The following WWOX variants were observed in gnomAD, a reference collection of about 807,000 sequenced individuals.
WWOX encodes WW domain containing oxidoreductase, also known as WW domain-containing oxidoreductase.
In WWOX, 69 loss-of-function variants were observed where a neutral mutation model predicts 46.2. The observed-to-expected ratio is 1.49, with a 90% confidence interval of 1.23 to 1.82. WWOX has a LOEUF of 1.82. WWOX is among the 40% of genes most tolerant of loss of function. The pLI is 0.00. For synonymous variants in WWOX, 359 were observed against 202.6 expected, an observed-to-expected ratio of 1.77 and a Z score of -6.56; for missense variants, 919 against 542.6, an observed-to-expected ratio of 1.69 and a Z score of -6.89.
At chr16:78,721,434 A>G (rs1337586299) in intron 8 of WWOX, among the ~76,000 whole-genome samples, 2 of 152,202 alleles carry the variant, frequency 1.3e-5, no homozygotes, top group East Asian at 3.9e-4. Context: ...TCGGCTGGAG[A>G]GTATTCAGCT....
intron 8 of WWOX, among the ~76,000 whole-genome samples, chr16:78,766,672 C>G (rs1002779520): frequency 2.0e-5 from 3 of 152,208 alleles, no homozygotes; most frequent in Non-Finnish European, 4.4e-5. Context: ...TTCAGTTAAT[C>G]AAGTTTGTTA....
At chr16:78,829,778 T>C (rs899580359) in intron 8 of WWOX, among the ~76,000 whole-genome samples, 1 of 152,188 alleles carries the variant, frequency 6.6e-6, no homozygotes, top group Admixed American at 6.5e-5. Flanking sequence ...CCTACAGGAA[T>C]TGCAGATTGT....
At position 78,343,616 on chromosome 16, in the gene WWOX, G is replaced by T. The variant is rs1242244298; in HGVS notation, c.517-43244G>T. ...TAACTCTTTAAAGGGACAGGATATGGAAACGTGGCTTCATGGACAGTATTT... is the reference window on the plus strand; with the variant it reads ...TAACTCTTTAAAGGGACAGGATATGTAAACGTGGCTTCATGGACAGTATTT... On this transcript the variant is annotated intron_variant, in intron 5 of 8. Coordinates refer to ENST00000566780, the MANE Select transcript of WWOX (RefSeq NM_016373.4). Among the ~76,000 whole-genome samples the T allele has an allele frequency of 2.5e-5, 3 of 121,218 alleles. 1 individual carries two copies. Among genetic ancestry groups the T allele is most frequent in the South Asian group, 2.5e-4 (1 of 4,038 alleles). 79.5% of individuals were successfully genotyped at this position (121,218 alleles called of 152,430 possible). A position where few individuals can be genotyped will look rare whatever the true frequency, so the allele number is the denominator to read the frequency against.
chr16:78,935,226 C>T (rs148841085), intron 8 of WWOX, among the ~76,000 whole-genome samples: 4,173 of 152,228 alleles, frequency 0.027, 89 homozygotes, highest in Middle Eastern at 0.048. Context: ...ACTAGAAATA[C>T]CATTTGACCC....
chr16:78,679,130 A>T (rs1597434904), intron 8 of WWOX, among the ~76,000 whole-genome samples: 1 of 152,292 alleles, frequency 6.6e-6, no homozygotes, highest in African/African-American at 2.4e-5. Flanking sequence ...TCTTGGACCT[A>T]GGGATGGATT....
At chr16:78,647,314 G>T (rs116199179) in intron 8 of WWOX, among the ~76,000 whole-genome samples, 6 of 152,258 alleles carry the variant, frequency 3.9e-5, no homozygotes, top group South Asian at 2.1e-4. Context: ...CGGCCCAGGC[G>T]AGGATGAGGA....
At chr16:78,123,650 G>A (rs2033231310) in intron 4 of WWOX, 1 of 151,114 alleles carries the variant, frequency 6.6e-6, no homozygotes, top group African/African-American at 2.4e-5. Context: ...TAGAGATGGG[G>A]TTTCACCATC....
Position 79,211,847 on chromosome 16 carries a change from C to T in WWOX, c.*51C>T, listed in dbSNP as rs762405960. 6.2e-7 allele frequency: 1 copy of T among 1,609,898 alleles called. No homozygotes were observed. Among genetic ancestry groups the T allele is most frequent in the South Asian group, 1.1e-5 (1 of 90,650 alleles). ...CACACCCGCCCTGTGTGTGTCCCCT[C>T]ACGCAAGTGCCAGGGCTGGGCCCCT... is the stretch of plus-strand genomic sequence containing the variant. On this transcript the variant is annotated 3_prime_UTR_variant, in exon 9 of 9. Coordinates refer to ENST00000566780, the MANE Select transcript of WWOX (RefSeq NM_016373.4).
At chr16:78,662,044 A>G (rs1228350979) in intron 8 of WWOX, among the ~76,000 whole-genome samples, 1 of 152,188 alleles carries the variant, frequency 6.6e-6, no homozygotes, top group Non-Finnish European at 1.5e-5. Flanking sequence ...ACCATGTCTC[A>G]AAATAATGAT....
chr16:78,705,902 A>T (rs1159791036), intron 8 of WWOX, among the ~76,000 whole-genome samples: 1 of 152,160 alleles, frequency 6.6e-6, no homozygotes, highest in Non-Finnish European at 1.5e-5. Flanking sequence ...ATGACCTGCT[A>T]GATATAAGCA....
At chr16:78,351,501 C>G (rs1295944621) in intron 5 of WWOX, among the ~76,000 whole-genome samples, 1 of 152,034 alleles carries the variant, frequency 6.6e-6, no homozygotes, top group Non-Finnish European at 1.5e-5. Flanking sequence ...GGTGGTCTGC[C>G]CCTGTGCAGG....
At chr16:78,756,848 G>C in intron 8 of WWOX, 1 of 692,822 alleles carries the variant, frequency 1.4e-6, no homozygotes, top group East Asian at 2.7e-5. Context: ...ATAATCGATA[G>C]GGTATTGCAG....
At chr16:78,255,278 C>A (rs941649723) in intron 5 of WWOX, among the ~76,000 whole-genome samples, 1 of 152,166 alleles carries the variant, frequency 6.6e-6, no homozygotes, top group South Asian at 2.1e-4. Flanking sequence ...CCTAGGTTTT[C>A]TTACTTCCAA....
At chr16:78,400,243 GTT>G (rs1192873739) in intron 6 of WWOX, among the ~76,000 whole-genome samples, 2 of 152,130 alleles carry the variant, frequency 1.3e-5, no homozygotes, top group African/African-American at 2.4e-5. Context: ...AAAGGTCTCT[GTT>G]TGTCTCAGAA....
At chr16:79,073,550 C>T (rs754444214) in intron 8 of WWOX, among the ~76,000 whole-genome samples, 26 of 152,082 alleles carry the variant, frequency 1.7e-4, no homozygotes, top group Admixed American at 3.9e-4. Flanking sequence ...TACAGACAGC[C>T]GTAGACTTTG....
chr16:78,541,053 A>T (rs2043880214), intron 8 of WWOX, among the ~76,000 whole-genome samples: 1 of 152,186 alleles, frequency 6.6e-6, no homozygotes, highest in African/African-American at 2.4e-5. Context: ...CAATTAATTT[A>T]GATTTTTTAA....
chr16:78,221,773 T>C (rs1005264109), intron 5 of WWOX, among the ~76,000 whole-genome samples: 4 of 152,208 alleles, frequency 2.6e-5, no homozygotes, highest in Non-Finnish European at 5.9e-5. Flanking sequence ...AATCCCGTAT[T>C]TGGAAGGTTT....
chr16:78,428,777 G>A (rs758644975), intron 7 of WWOX, among the ~76,000 whole-genome samples: 1 of 152,210 alleles, frequency 6.6e-6, no homozygotes, highest in Non-Finnish European at 1.5e-5. Context: ...GGAAGCTGAG[G>A]CAGGAGGATC....
chr16:78,909,056 C>T lies in WWOX; in HGVS notation c.1057-302552C>T, dbSNP rs184705513. 1.6e-3 allele frequency among the ~76,000 whole-genome samples: 237 copies of T among 152,204 alleles called. 3 individuals are homozygous for T. Among genetic ancestry groups the T allele is most frequent in the African/African-American group, 5.2e-3 (215 of 41,536 alleles). ...ATCATCTTTTGTTTCAAAGTTAAACCGTAAACTAAGTTCCTCTCAAAGTTA... is the reference window on the plus strand; with the variant it reads ...ATCATCTTTTGTTTCAAAGTTAAACTGTAAACTAAGTTCCTCTCAAAGTTA... On this transcript the variant is annotated intron_variant, in intron 8 of 8. Transcript: ENST00000566780.
Sources: allele counts gnomAD v4.1 joint callset (sites outside exome capture counted in the v4.1 genomes callset), GRCh38; gene constraint gnomAD v4.1.1; transcripts MANE v1.5; gene names NCBI Gene and HGNC (gene_info 2026-07-23, HGNC 2026-07-21).